The following DGKB variants were observed in gnomAD, a reference collection of about 807,000 sequenced individuals.
DGKB encodes diacylglycerol kinase beta.
DGKB carries 67 observed loss-of-function variants against 114.3 expected under a neutral mutation model. The ratio of observed to expected loss-of-function variants is 0.59; its 90% CI spans 0.48 to 0.72. The LOEUF is 0.72. Ranked by LOEUF, DGKB falls within the 30% of genes least tolerant of loss-of-function variation. The pLI, the probability that DGKB is intolerant of heterozygous loss-of-function variation, is 0.00. For synonymous variants in DGKB, 398 were observed against 323.1 expected (o/e 1.23, Z -2.49); for missense variants, 907 against 975.2 (o/e 0.93, Z 0.93).
intron 13 of DGKB, among the ~76,000 whole-genome samples, chr7:14,641,730 A>T (rs567661943): frequency 3.3e-5 from 5 of 152,114 alleles, no homozygotes; most frequent in Non-Finnish European, 5.9e-5. Flanking sequence ...CAACTTTTAG[A>T]GCCATATTAT....
At chr7:14,290,739 C>T (rs1027040810) in intron 23 of DGKB, among the ~76,000 whole-genome samples, 3 of 152,138 alleles carry the variant, frequency 2.0e-5, no homozygotes, top group African/African-American at 7.2e-5. Flanking sequence ...ATAACTGTCT[C>T]CTGTCAAGAA....
chr7:14,372,895 T>C (rs1385846872), intron 21 of DGKB, among the ~76,000 whole-genome samples: 2 of 152,212 alleles, frequency 1.3e-5, no homozygotes, highest in Non-Finnish European at 2.9e-5. Context: ...ACCTTGATTA[T>C]TGAATCAATG....
intron 1 of DGKB, among the ~76,000 whole-genome samples, chr7:14,860,887 A>G (rs927662636): frequency 6.6e-6 from 1 of 151,968 alleles, no homozygotes; most frequent in African/African-American, 2.4e-5. Context: ...TCTTAGGAAA[A>G]TACAATTATA....
intron 1 of DGKB, among the ~76,000 whole-genome samples, chr7:14,870,281 T>C (rs1481817743): frequency 1.3e-5 from 2 of 152,208 alleles, no homozygotes; most frequent in African/African-American, 2.4e-5. Flanking sequence ...TAGCTTCCTG[T>C]AATCTGCATT....
rs114089983 is a variant in DGKB, at chr7:14,523,948, G to C, written c.1771-45723C>G. Among the ~76,000 whole-genome samples the C allele has an allele frequency of 8.7e-4, 132 of 152,182 alleles. 1 individual carries two copies. Among genetic ancestry groups the C allele is most frequent in the African/African-American group, 2.8e-3 (117 of 41,532 alleles). On this transcript the variant is annotated intron_variant, in intron 20 of 25. Transcript: ENST00000402815. The stretch of plus-strand genomic sequence containing the variant: ...AATGACTAAATGGTTATACTATATA[G>C]AGAACACCAATCTGACCTATAGACC...
intron 2 of DGKB, among the ~76,000 whole-genome samples, chr7:14,766,592 T>C (rs1836495806): frequency 6.6e-6 from 1 of 151,892 alleles, no homozygotes; most frequent in Non-Finnish European, 1.5e-5. Flanking sequence ...AGTGTAGCCA[T>C]TAGGAAAGCA....
intron 16 of DGKB, among the ~76,000 whole-genome samples, chr7:14,610,886 A>G (rs1005337943): frequency 1.3e-5 from 2 of 152,090 alleles, no homozygotes; most frequent in Admixed American, 6.6e-5. Context: ...GCCTTCCTCT[A>G]TACTGTTGTC....
chr7:14,167,930 A>C (rs563601047), intron 25 of DGKB, among the ~76,000 whole-genome samples: 1 of 152,248 alleles, frequency 6.6e-6, no homozygotes, highest in African/African-American at 2.4e-5. Context: ...TTCTCAAGAT[A>C]TGAATCACAG....
chr7:14,341,216 TAA>T (rs774635390), intron 22 of DGKB, among the ~76,000 whole-genome samples: 128 of 151,962 alleles, frequency 8.4e-4, no homozygotes, highest in Non-Finnish European at 1.7e-3. Flanking sequence ...ACAATGTACT[TAA>T]ATAAATTGCT....
At chr7:14,566,323 T>C (rs992348263) in intron 20 of DGKB, among the ~76,000 whole-genome samples, 3 of 152,108 alleles carry the variant, frequency 2.0e-5, no homozygotes, top group African/African-American at 7.2e-5. Flanking sequence ...CTGAAAATAA[T>C]AGATGGTTTA....
At chr7:14,806,037 C>T (rs1252368111) in intron 2 of DGKB, among the ~76,000 whole-genome samples, 2 of 151,564 alleles carry the variant, frequency 1.3e-5, no homozygotes, top group Admixed American at 6.6e-5. Context: ...GATTACAGTT[C>T]CTCATATTTT....
intron 2 of DGKB, among the ~76,000 whole-genome samples, chr7:14,822,751 G>A (rs1289149987): frequency 6.6e-6 from 1 of 152,122 alleles, no homozygotes; most frequent in Non-Finnish European, 1.5e-5. Flanking sequence ...GAGCTAGTGA[G>A]TTGATAGAAG....
intron 23 of DGKB, among the ~76,000 whole-genome samples, chr7:14,258,224 C>G (rs1796232188): frequency 6.6e-6 from 1 of 152,092 alleles, no homozygotes; most frequent in Admixed American, 6.5e-5. Context: ...ACCATGTATT[C>G]AAGTATGGTT....
At chr7:14,446,437 G>T (rs1258634707) in intron 21 of DGKB, among the ~76,000 whole-genome samples, 2 of 152,068 alleles carry the variant, frequency 1.3e-5, no homozygotes, top group Non-Finnish European at 2.9e-5. Flanking sequence ...CAGTTAAACA[G>T]AAATTCACCT....
chr7:14,301,232 A>C (rs1803488351), intron 23 of DGKB, among the ~76,000 whole-genome samples: 1 of 152,134 alleles, frequency 6.6e-6, no homozygotes, highest in Admixed American at 6.6e-5. Context: ...AATGTTAAAC[A>C]ATAACACCAA....
chr7:14,219,698 T>C (rs531725979), intron 23 of DGKB, among the ~76,000 whole-genome samples: 1 of 151,904 alleles, frequency 6.6e-6, no homozygotes, highest in South Asian at 2.1e-4. Context: ...AGATATATGA[T>C]TCCAATTATT....
chr7:14,529,992 G>A (rs1040213347), intron 20 of DGKB, among the ~76,000 whole-genome samples: 1 of 151,646 alleles, frequency 6.6e-6, no homozygotes, highest in Non-Finnish European at 1.5e-5. Flanking sequence ...TACTCATAAA[G>A]TGAAATCAAA....
At chr7:14,743,483 CAA>C (rs1286962737) in intron 4 of DGKB, among the ~76,000 whole-genome samples, 3 of 152,102 alleles carry the variant, frequency 2.0e-5, no homozygotes, top group African/African-American at 7.2e-5. Context: ...TTCCCCAAAT[CAA>C]ATTTCAGCTT....
At chr7:14,583,210 C>T (rs994519427) in intron 17 of DGKB, 73 bp from the exon 18 acceptor site, 2 of 842,516 alleles carry the variant, frequency 2.4e-6, no homozygotes, top group African/African-American at 3.5e-5. Flanking sequence ...GTATCATTAA[C>T]ATTTTACCCG....
Sources: allele counts gnomAD v4.1 joint callset (sites outside exome capture counted in the v4.1 genomes callset), GRCh38; gene constraint gnomAD v4.1.1; transcripts MANE v1.5; gene names NCBI Gene and HGNC (gene_info 2026-07-23, HGNC 2026-07-21).